The following SOX6 variants were observed in gnomAD, a reference collection of about 807,000 sequenced individuals.
SOX6 encodes the protein transcription factor SOX-6.
A neutral mutation model predicts 97.8 loss-of-function variants in SOX6; 11 were observed. The ratio of observed to expected loss-of-function variants is 0.11; its 90% CI spans 0.07 to 0.19. The LOEUF is 0.19. Among genes scored for constraint, SOX6 ranks in the 10% least tolerant of loss-of-function variants. The pLI is 1.00. For synonymous variants in SOX6, 360 were observed against 371.4 expected (o/e 0.97, Z 0.35); for missense variants, 810 against 1,039.5 (o/e 0.78, Z 3.04).
chr11:16,253,746 G>A (rs905496267), intron 3 of SOX6, among the ~76,000 whole-genome samples: 5 of 151,932 alleles, frequency 3.3e-5, no homozygotes, highest in African/African-American at 1.2e-4. Flanking sequence ...TATATCATAT[G>A]TATAATGGGA....
At chr11:16,060,938 C>T (rs752977834) in intron 9 of SOX6, among the ~76,000 whole-genome samples, 8 of 151,634 alleles carry the variant, frequency 5.3e-5, no homozygotes, top group Non-Finnish European at 4.4e-5. Context: ...ATAATGGTGC[C>T]TTGCAAATAA....
intron 3 of SOX6, among the ~76,000 whole-genome samples, chr11:16,307,469 T>A (rs1855476833): frequency 6.6e-6 from 1 of 152,150 alleles, no homozygotes; most frequent in African/African-American, 2.4e-5. Context: ...CTACTTGAAA[T>A]CAAAGAAAAA....
At chr11:16,248,540 C>A (rs529598361) in intron 3 of SOX6, among the ~76,000 whole-genome samples, 1 of 152,324 alleles carries the variant, frequency 6.6e-6, no homozygotes, top group Non-Finnish European at 1.5e-5. Context: ...AGATCCTACC[C>A]CTCGTGAAAG....
intron 4 of SOX6, among the ~76,000 whole-genome samples, chr11:16,595,768 C>A (rs1848206763): frequency 6.6e-6 from 1 of 152,026 alleles, no homozygotes; most frequent in Non-Finnish European, 1.5e-5. Flanking sequence ...AAGACCCCGT[C>A]TCTTAAAAAC....
chr11:15,979,629 T>A (rs540415503), intron 15 of SOX6, among the ~76,000 whole-genome samples: 1 of 152,114 alleles, frequency 6.6e-6, no homozygotes, highest in South Asian at 2.1e-4. Flanking sequence ...CTACTCACTT[T>A]GCTCCTGTCA....
At chr11:16,357,081 C>T (rs913170356), upstream of SOX6, among the ~76,000 whole-genome samples, 1 of 151,994 alleles carries the variant, frequency 6.6e-6, no homozygotes, top group African/African-American at 2.4e-5. Flanking sequence ...AAGGAAGAAG[C>T]CATTCTTCAT....
intron 1 of SOX6, among the ~76,000 whole-genome samples, chr11:16,350,425 A>T (rs1228130194): frequency 1.3e-5 from 2 of 152,212 alleles, no homozygotes; most frequent in Non-Finnish European, 2.9e-5. Context: ...CGGTTTTAGA[A>T]AAACATCTTT....
intron 6 of SOX6, among the ~76,000 whole-genome samples, chr11:16,172,512 A>C (rs2134085729): frequency 6.6e-6 from 1 of 152,136 alleles, no homozygotes; most frequent in South Asian, 2.1e-4. Flanking sequence ...CACAAAGGAA[A>C]CCTGAATTTG....
chr11:16,569,868 C>CAAAAA lies in SOX6; in HGVS notation n.609+42208_609+42212dup, dbSNP rs34604334. Reference sequence around the variant, plus strand: ...TGGGTGACTGATCAAGACTCCGTCTCAAAAAAAAAAAAAAAAAGATATACT... The same window carrying CAAAAA: ...TGGGTGACTGATCAAGACTCCGTCTCAAAAAAAAAAAAAAAAAAAAAAGATATACT... On this transcript the variant is annotated intron_variant and non_coding_transcript_variant, in intron 4 of 5. Coordinates refer to the SOX6 transcript ENST00000524520. Among the ~76,000 whole-genome samples, 71 of 84,784 alleles carry CAAAAA rather than the reference C, an allele frequency of 8.4e-4. 2 individuals carry two copies. The highest frequency in any genetic ancestry group is 2.0e-3 in the African/African-American group (32 of 16,100). 55.6% of individuals were successfully genotyped at this position (84,784 alleles called of 152,430 possible). A position where few individuals can be genotyped will look rare whatever the true frequency, so the allele number is the denominator to read the frequency against.
chr11:16,146,942 C>G (rs1238188010), intron 6 of SOX6, among the ~76,000 whole-genome samples: 2 of 152,082 alleles, frequency 1.3e-5, no homozygotes, highest in Admixed American at 6.6e-5. Flanking sequence ...GAAGACAGTG[C>G]GGCGATTCCT....
At chr11:16,422,089 T>C (rs868212400) in intron 1 of SOX6, among the ~76,000 whole-genome samples, 3 of 152,172 alleles carry the variant, frequency 2.0e-5, no homozygotes, top group African/African-American at 4.8e-5. Context: ...ACTGCTGCAT[T>C]ACTGAAATAA....
Position 16,234,637 on chromosome 11 carries a change from A to C in SOX6, c.480T>G (p.Asp160Glu). The C allele has an allele frequency of 1.3e-6, 2 of 1,597,918 alleles. No individual in the cohort carries two copies. Among genetic ancestry groups the C allele is most frequent in the Non-Finnish European group, 1.7e-6 (2 of 1,168,570 alleles). The change falls in exon 4 of 16, where the codon GAT (aspartate) becomes GAG (glutamate). Residue 160 changes from aspartate to glutamate, a missense_variant. By Grantham distance (45) the Asp-to-Glu change is conservative (BLOSUM62 2). Around this residue, in one of 9 missense-constraint regions of SOX6, gnomAD observed 110 missense variants for 119.0 expected, o/e 0.92. Coordinates refer to ENST00000683767, the MANE Select transcript of SOX6 (RefSeq NM_001367873.1). ...TTAGTCTTTCCATTTTTTCCTTCCAATCTTTTGAAAGTAGTTTTTCCATGC... is the reference window on the plus strand; with the variant it reads ...TTAGTCTTTCCATTTTTTCCTTCCACTCTTTTGAAAGTAGTTTTTCCATGC... ...SSCMEKLLSKDWKEKMERLNT... is the reference protein window; with the variant it reads ...SSCMEKLLSKEWKEKMERLNT...
At chr11:16,049,216 A>T (rs780679029) in intron 11 of SOX6, among the ~76,000 whole-genome samples, 1 of 152,158 alleles carries the variant, frequency 6.6e-6, no homozygotes, top group African/African-American at 2.4e-5. Flanking sequence ...TAGGGCTATG[A>T]ATATTCCTAG....
At chr11:16,040,729 G>A (rs1044758992) in intron 12 of SOX6, among the ~76,000 whole-genome samples, 9 of 151,962 alleles carry the variant, frequency 5.9e-5, no homozygotes, top group African/African-American at 1.7e-4. Flanking sequence ...GAGATGTAGG[G>A]AACAAATGAG....
chr11:16,115,135 A>G (rs1174805521), intron 6 of SOX6, among the ~76,000 whole-genome samples: 1 of 152,224 alleles, frequency 6.6e-6, no homozygotes, highest in Non-Finnish European at 1.5e-5. Context: ...GAGAAAAAGT[A>G]AATAAGGAGG....
rs1420134696 is a variant in SOX6 at position 16,613,467 on chromosome 11, C to T, written n.430-1207G>A. Among the ~76,000 whole-genome samples, 1 of 152,174 alleles carries T rather than the reference C, an allele frequency of 6.6e-6. No homozygotes were observed. On this transcript the variant is annotated intron_variant and non_coding_transcript_variant, in intron 3 of 5. Coordinates refer to the SOX6 transcript ENST00000524520. The surrounding 1 kb of genome is among the most constrained non-coding windows in gnomAD (Gnocchi z 4.6). ...GCCAGTTGCGCACTCTGAGACATCTCTCGGTGCAGAGTGGTTCCGAAGCCC... is the reference window on the plus strand; with the variant it reads ...GCCAGTTGCGCACTCTGAGACATCTTTCGGTGCAGAGTGGTTCCGAAGCCC...
intron 1 of SOX6, among the ~76,000 whole-genome samples, chr11:16,455,416 T>G (rs971327173): frequency 3.9e-5 from 6 of 152,076 alleles, no homozygotes; most frequent in East Asian, 1.9e-4. Context: ...TTATATAAAA[T>G]TACTTTTTCT....
chr11:16,018,493 T>C (rs1186695896), intron 12 of SOX6, among the ~76,000 whole-genome samples: 1 of 152,042 alleles, frequency 6.6e-6, no homozygotes, highest in Non-Finnish European at 1.5e-5. Context: ...AAATGTAAAA[T>C]TGTGATCTGG....
chr11:16,428,493 A>G lies in SOX6; in HGVS notation c.-5+47822T>C, dbSNP rs530013809. On this transcript the variant is annotated intron_variant, in intron 1 of 15. Coordinates refer to the SOX6 transcript ENST00000396356. ...TTAAGTCTTTAATCCATCTTGAATT[A>G]ATTTTTATATAAGGTGTAAGGAAGG... Among the ~76,000 whole-genome samples the G allele has an allele frequency of 1.2e-3, 185 of 152,252 alleles. 1 individual carries two copies. Among genetic ancestry groups the G allele is most frequent in the Non-Finnish European group, 2.1e-3 (143 of 68,014 alleles).
Sources: gnomAD v4.1 joint callset for allele counts (sites outside exome capture counted in the v4.1 genomes callset) on GRCh38, gnomAD v4.1.1 for gene constraint, gnomAD v4.1.1 regional missense constraint, Gnocchi (gnomAD v3.1) non-coding constraint, MANE v1.5 for transcripts, NCBI Gene and HGNC (gene_info 2026-07-23, HGNC 2026-07-21) for gene names.